Variants in KCNMA1 observed in about 807,000 individuals in gnomAD.
KCNMA1 encodes Calcium-activated potassium channel subunit alpha-1.
Under a neutral mutation model 140.0 loss-of-function variants are expected in KCNMA1, and 29 were observed. That is an observed-to-expected ratio of 0.21 (90% confidence interval 0.15 to 0.28). KCNMA1 has a LOEUF of 0.28. Among genes scored for constraint, KCNMA1 ranks in the 10% least tolerant of loss-of-function variants. KCNMA1 has a pLI of 1.00. For synonymous variants in KCNMA1, 612 were observed against 611.9 expected, an observed-to-expected ratio of 1.00 and a Z score of 0.00; for missense variants, 880 against 1,602.2, an observed-to-expected ratio of 0.55 and a Z score of 7.70.
chr10:77,158,290 T>C (rs1291332157), intron 5 of KCNMA1, among the ~76,000 whole-genome samples: 1 of 152,168 alleles, frequency 6.6e-6, no homozygotes, highest in African/African-American at 2.4e-5. Context: ...AAAGCTATAA[T>C]AGACCCTTTG....
intron 1 of KCNMA1, among the ~76,000 whole-genome samples, chr10:77,498,260 T>C (rs1237004479): frequency 6.6e-6 from 1 of 152,110 alleles, no homozygotes; most frequent in African/African-American, 2.4e-5. Flanking sequence ...GAGCCAAGTA[T>C]CAGGCACCGG....
At chr10:77,414,394 G>GATCC (rs1360342485) in intron 1 of KCNMA1, among the ~76,000 whole-genome samples, 35 of 152,156 alleles carry the variant, frequency 2.3e-4, no homozygotes, top group Admixed American at 1.6e-3. Context: ...GGAGATCACT[G>GATCC]ATCCCCTCTT....
chr10:77,111,060 T>C (rs2097309504), intron 7 of KCNMA1, among the ~76,000 whole-genome samples: 1 of 152,250 alleles, frequency 6.6e-6, no homozygotes, highest in African/African-American at 2.4e-5. Flanking sequence ...TGTTCAACTC[T>C]GCAGAGGCAA....
intron 5 of KCNMA1, among the ~76,000 whole-genome samples, chr10:77,155,559 C>T (rs1055553744): frequency 2.0e-5 from 3 of 152,254 alleles, no homozygotes; most frequent in South Asian, 4.1e-4. Context: ...CCTGGAAGCA[C>T]GCTCAGCCAT....
At chr10:77,038,982 A>G (rs1159565464) in intron 15 of KCNMA1, 2 of 177,486 alleles carry the variant, frequency 1.1e-5, no homozygotes, top group Non-Finnish European at 2.4e-5. Flanking sequence ...AGAAGCTAAG[A>G]CTTGTTATTA....
At chr10:77,066,205 AC>A (rs1340338203) in intron 14 of KCNMA1, among the ~76,000 whole-genome samples, 1 of 152,116 alleles carries the variant, frequency 6.6e-6, no homozygotes, top group Non-Finnish European at 1.5e-5. Context: ...GAGCAGACAG[AC>A]CAGTTAGGAG....
At chr10:77,026,049 G>T (rs2093431150) in intron 16 of KCNMA1, among the ~76,000 whole-genome samples, 1 of 149,822 alleles carries the variant, frequency 6.7e-6, no homozygotes, top group Non-Finnish European at 1.5e-5. Context: ...ATATGGCTTT[G>T]TTGAAAACAT....
At chr10:77,184,781 A>G in intron 4 of KCNMA1, 42 bp downstream of exon 4, 1 of 1,235,206 alleles carries the variant, frequency 8.1e-7, no homozygotes, top group Non-Finnish European at 1.2e-6. Context: ...TCCCAGACTG[A>G]AACACCCCAT....
chr10:77,335,446 A>G (rs1409344629), intron 2 of KCNMA1, among the ~76,000 whole-genome samples: 1 of 152,242 alleles, frequency 6.6e-6, no homozygotes, highest in East Asian at 1.9e-4. Flanking sequence ...TCTCAACCCT[A>G]GCATCCATCA....
At chr10:76,905,539 C>T (rs1049107269) in intron 25 of KCNMA1, among the ~76,000 whole-genome samples, 3 of 152,296 alleles carry the variant, frequency 2.0e-5, no homozygotes, top group African/African-American at 7.2e-5. Context: ...TACCACATTC[C>T]AACCATAATG....
At chr10:77,575,081 G>A (rs1165168174) in intron 1 of KCNMA1, among the ~76,000 whole-genome samples, 1 of 152,172 alleles carries the variant, frequency 6.6e-6, no homozygotes, top group Non-Finnish European at 1.5e-5. Flanking sequence ...AGCCTCCTGG[G>A]AGATGGGCAG....
chr10:77,534,301 G>T (rs1295621902), intron 1 of KCNMA1, among the ~76,000 whole-genome samples: 1 of 152,154 alleles, frequency 6.6e-6, no homozygotes, highest in Non-Finnish European at 1.5e-5. Context: ...GTCATAAAAA[G>T]GGTTTACATA....
chr10:76,869,920 A>G (rs1451916396), exon 28 of KCNMA1: 1 of 152,560 alleles, frequency 6.6e-6, no homozygotes, highest in African/African-American at 2.4e-5. Context: ...TGTCCCCTAA[A>G]GAAACCTTGA....
chr10:77,277,670 C>G (rs1321910752), intron 2 of KCNMA1, among the ~76,000 whole-genome samples: 4 of 152,224 alleles, frequency 2.6e-5, no homozygotes, highest in Non-Finnish European at 4.4e-5. Context: ...ACTGACTCTA[C>G]ATCAAAGTCG....
At chr10:77,616,872 C>T (rs2089742966) in intron 1 of KCNMA1, among the ~76,000 whole-genome samples, 2 of 151,880 alleles carry the variant, frequency 1.3e-5, no homozygotes, top group South Asian at 4.2e-4. Context: ...TATTTTATTC[C>T]CACTTTCCAA....
chr10:77,573,656 TA>T (rs2072802345), intron 1 of KCNMA1, among the ~76,000 whole-genome samples: 1 of 49,318 alleles, frequency 2.0e-5, no homozygotes, highest in Non-Finnish European at 4.5e-5. Flanking sequence ...TAGAATAGAA[TA>T]GAATAGAATA....
At chr10:77,154,062 C>T (rs11002048) in intron 5 of KCNMA1, among the ~76,000 whole-genome samples, 2,521 of 152,186 alleles carry the variant, frequency 0.017, 43 homozygotes, top group South Asian at 0.04. Flanking sequence ...AATTGGATCA[C>T]GGGGGCGGTT....
intron 1 of KCNMA1, among the ~76,000 whole-genome samples, chr10:77,528,611 A>C (rs75812711): frequency 6.6e-6 from 1 of 150,378 alleles, no homozygotes; most frequent in East Asian, 2.0e-4. Context: ...CCCATCTCAA[A>C]AAAAAAAAAA....
At chr10:77,143,215 A>T (rs943156438) in intron 5 of KCNMA1, among the ~76,000 whole-genome samples, 4 of 152,212 alleles carry the variant, frequency 2.6e-5, no homozygotes, top group Non-Finnish European at 5.9e-5. Flanking sequence ...TAAAAAGAAT[A>T]ATACTTTAGA....
Sources: gnomAD v4.1 joint callset for allele counts (sites outside exome capture counted in the v4.1 genomes callset) on GRCh38, gnomAD v4.1.1 for gene constraint, MANE v1.5 for transcripts, NCBI Gene and HGNC (gene_info 2026-07-23, HGNC 2026-07-21) for gene names.